Variants in PCDH15 observed in about 807,000 individuals in gnomAD.
PCDH15 encodes protocadherin-15.
PCDH15 carries 129 observed loss-of-function variants against 178.5 expected under a neutral mutation model. The observed-to-expected ratio is 0.72, with a 90% CI of 0.63 to 0.84. The LOEUF is 0.84. Among genes scored for constraint, PCDH15 ranks in the 40% least tolerant of loss-of-function variants. The pLI is 0.00. For synonymous variants in PCDH15, 800 were observed against 732.0 expected (o/e 1.09, Z -1.50); for missense variants, 2,230 against 2,099.9 (o/e 1.06, Z -1.21).
At chr10:55,592,757 T>C (rs1842866867) in intron 2 of PCDH15, among the ~76,000 whole-genome samples, 1 of 152,166 alleles carries the variant, frequency 6.6e-6, no homozygotes, top group Non-Finnish European at 1.5e-5. Context: ...TTTTCAAAAA[T>C]ACACTTAAAA....
chr10:55,535,065 C>T (rs1432987288), intron 2 of PCDH15, among the ~76,000 whole-genome samples: 1 of 151,830 alleles, frequency 6.6e-6, no homozygotes, highest in Non-Finnish European at 1.5e-5. Context: ...GATGGAGGAA[C>T]GGAGAAAGCA....
At chr10:54,066,306 C>T (rs569575759) in intron 18 of PCDH15, among the ~76,000 whole-genome samples, 4 of 152,054 alleles carry the variant, frequency 2.6e-5, no homozygotes, top group African/African-American at 7.2e-5. Flanking sequence ...AAGTTTACTA[C>T]GAGTAAATCT....
chr10:55,406,199 C>G (rs1338661046), intron 2 of PCDH15, among the ~76,000 whole-genome samples: 1 of 151,820 alleles, frequency 6.6e-6, no homozygotes, highest in African/African-American at 2.4e-5. Context: ...GCATACGATC[C>G]TGTATGCATG....
chr10:54,580,286 T>G (rs894765882), intron 2 of PCDH15, among the ~76,000 whole-genome samples: 1 of 151,854 alleles, frequency 6.6e-6, no homozygotes, highest in Non-Finnish European at 1.5e-5. Context: ...AAGGATGACA[T>G]TACAGCCAAA....
chr10:55,159,207 T>G (rs1838985023), intron 2 of PCDH15, among the ~76,000 whole-genome samples: 1 of 151,820 alleles, frequency 6.6e-6, no homozygotes, highest in Non-Finnish European at 1.5e-5. Flanking sequence ...TAAAAAAAAT[T>G]AAATCTAAAA....
intron 18 of PCDH15, among the ~76,000 whole-genome samples, chr10:54,061,570 A>G (rs2094013806): frequency 6.6e-6 from 1 of 152,018 alleles, no homozygotes. Context: ...ATACATTGAA[A>G]AGAACCAAGA....
At chr10:55,211,713 C>T (rs771133538) in intron 1 of PCDH15, among the ~76,000 whole-genome samples, 16 of 151,936 alleles carry the variant, frequency 1.1e-4, no homozygotes, top group African/African-American at 2.7e-4. Flanking sequence ...GCCAATAAAG[C>T]GGGCAGACAC....
intron 7 of PCDH15, among the ~76,000 whole-genome samples, chr10:54,321,829 A>T (rs1331179735): frequency 6.6e-6 from 1 of 152,040 alleles, no homozygotes; most frequent in Non-Finnish European, 1.5e-5. Context: ...AAATAAAAAT[A>T]ATCCTGGCAA....
chr10:54,871,735 T>C (rs1245945369), intron 3 of PCDH15, among the ~76,000 whole-genome samples: 1 of 152,080 alleles, frequency 6.6e-6, no homozygotes, highest in East Asian at 1.9e-4. Flanking sequence ...ATTATTTTTG[T>C]TCATAATTTT....
rs115911070 is a variant in PCDH15, at chr10:54,878,917, C to A, written c.-29+18533G>T. On this transcript the variant is annotated intron_variant, in intron 3 of 5. Transcript: ENST00000458638. ...GCTCTCACTTATATGTGAGATCATGCAGTGTTTGGTTGAAATTATTTATTT... is the reference window on the plus strand; with the variant it reads ...GCTCTCACTTATATGTGAGATCATGAAGTGTTTGGTTGAAATTATTTATTT... Among the ~76,000 whole-genome samples, 1,339 of 152,162 alleles carry A rather than the reference C, an allele frequency of 8.8e-3. 15 individuals are homozygous for A. Among genetic ancestry groups the A allele is most frequent in the African/African-American group, 0.03 (1,248 of 41,498 alleles).
chr10:54,659,320 G>A lies in PCDH15; in HGVS notation c.91+4852C>T, dbSNP rs182297814. ...CAGAACATACCATGCAACAACCACA[G>A]AGTATACATTTTTCACATCTGTGCA... On this transcript the variant is annotated intron_variant, in intron 2 of 37. Coordinates refer to ENST00000644397, the MANE Select transcript of PCDH15 (RefSeq NM_001384140.1). Among the ~76,000 whole-genome samples the A allele has an allele frequency of 1.6e-3, 249 of 152,254 alleles. 2 individuals are homozygous for A. The highest frequency in any genetic ancestry group is 2.3e-3 in the East Asian group (12 of 5,180).
At chr10:55,101,690 TA>T (rs1229056445) in intron 2 of PCDH15, among the ~76,000 whole-genome samples, 5 of 151,642 alleles carry the variant, frequency 3.3e-5, no homozygotes, top group Non-Finnish European at 7.4e-5. Flanking sequence ...TTAGATCATT[TA>T]AAAATACAAT....
intron 3 of PCDH15, among the ~76,000 whole-genome samples, chr10:54,393,611 T>C (rs1950824164): frequency 6.6e-6 from 1 of 152,196 alleles, no homozygotes; most frequent in South Asian, 2.1e-4. Context: ...TTCACAACCT[T>C]TTCAAATAAA....
intron 2 of PCDH15, among the ~76,000 whole-genome samples, chr10:55,532,074 A>C (rs1841466739): frequency 2.6e-5 from 4 of 152,170 alleles, no homozygotes; most frequent in African/African-American, 7.2e-5. Flanking sequence ...ACTATGAATA[A>C]CAGTTGTACA....
chr10:53,984,671 C>T (rs2090973100), intron 21 of PCDH15, among the ~76,000 whole-genome samples: 1 of 152,102 alleles, frequency 6.6e-6, no homozygotes, highest in Admixed American at 6.6e-5. Context: ...GTTTATGAAA[C>T]ATTATCATTG....
chr10:54,442,913 C>T (rs537583909), intron 3 of PCDH15, among the ~76,000 whole-genome samples: 2 of 151,590 alleles, frequency 1.3e-5, no homozygotes, highest in East Asian at 3.9e-4. Context: ...TTCCTGTTAT[C>T]CACTCGTCTT....
chr10:55,185,787 T>C (rs548145814), intron 1 of PCDH15, among the ~76,000 whole-genome samples: 12 of 151,724 alleles, frequency 7.9e-5, no homozygotes, highest in African/African-American at 1.2e-4. Context: ...GAAGGTAATA[T>C]ATATTGAGTT....
intron 20 of PCDH15, among the ~76,000 whole-genome samples, chr10:54,011,032 TAG>T (rs1166160595): frequency 6.6e-6 from 1 of 152,140 alleles, no homozygotes; most frequent in East Asian, 1.9e-4. Context: ...AGTCATCATA[TAG>T]AGAGAAGCCC....
At chr10:55,078,171 T>G (rs567771810) in intron 2 of PCDH15, among the ~76,000 whole-genome samples, 1 of 152,206 alleles carries the variant, frequency 6.6e-6, no homozygotes, top group Non-Finnish European at 1.5e-5. Flanking sequence ...ATGTTTATGT[T>G]GAGAAGTCCA....
Sources: gnomAD v4.1 joint callset for allele counts (sites outside exome capture counted in the v4.1 genomes callset) on GRCh38, gnomAD v4.1.1 for gene constraint, MANE v1.5 for transcripts, NCBI Gene and HGNC (gene_info 2026-07-23, HGNC 2026-07-21) for gene names.